GABRB3: variants seen among roughly 807,000 people sequenced by gnomAD.
GABRB3 encodes the protein gamma-aminobutyric acid type A receptor subunit beta3.
A neutral mutation model predicts 52.1 loss-of-function variants in GABRB3; 14 were observed. The ratio of observed to expected loss-of-function variants is 0.27; its 90% CI spans 0.18 to 0.42. GABRB3 has a LOEUF of 0.42. Ranked by LOEUF, GABRB3 falls within the 10% of genes least tolerant of loss-of-function variation. The pLI, the probability that GABRB3 is intolerant of heterozygous loss-of-function variation, is 1.00. For missense variants in GABRB3, 307 were observed against 609.1 expected (o/e 0.50, Z 5.22); for synonymous variants, 260 against 232.3 (o/e 1.12, Z -1.08).
chr15:26,722,557 T>G (rs1230853468), intron 3 of GABRB3, among the ~76,000 whole-genome samples: 5 of 152,240 alleles, frequency 3.3e-5, no homozygotes, highest in Admixed American at 6.5e-5. Flanking sequence ...ATTTATTCAC[T>G]GAACTTTACG....
chr15:26,686,752 C>T (rs777480404), intron 3 of GABRB3, among the ~76,000 whole-genome samples: 1 of 152,360 alleles, frequency 6.6e-6, no homozygotes, highest in Non-Finnish European at 1.5e-5. Flanking sequence ...GGCACAGTGA[C>T]GCTACCAGGC....
intron 3 of GABRB3, among the ~76,000 whole-genome samples, chr15:26,650,304 C>T (rs1887155953): frequency 6.6e-6 from 1 of 152,052 alleles, no homozygotes; most frequent in African/African-American, 2.4e-5. Context: ...TTGGCCTCAC[C>T]CCAGCCCCAT....
chr15:26,731,065 TCTC>T (rs1566822132), intron 3 of GABRB3, among the ~76,000 whole-genome samples: 858 of 83,364 alleles, frequency 0.01, 5 homozygotes, highest in African/African-American at 0.086. Flanking sequence ...TCTCACTCGC[TCTC>T]GCTCTCTCTC....
At chr15:26,678,852 G>C (rs1408563268) in intron 3 of GABRB3, among the ~76,000 whole-genome samples, 1 of 152,172 alleles carries the variant, frequency 6.6e-6, no homozygotes, top group Non-Finnish European at 1.5e-5. Flanking sequence ...CTGAGGCTGA[G>C]TTCAGTTCAA....
intron 4 of GABRB3, among the ~76,000 whole-genome samples, chr15:26,585,329 C>A (rs1037209335): frequency 4.6e-5 from 7 of 152,138 alleles, no homozygotes; most frequent in Non-Finnish European, 1.0e-4. Flanking sequence ...CAGTGTTGAG[C>A]TTTTTCTGAA....
At chr15:26,660,572 T>A (rs1887510927) in intron 3 of GABRB3, among the ~76,000 whole-genome samples, 1 of 152,196 alleles carries the variant, frequency 6.6e-6, no homozygotes, top group South Asian at 2.1e-4. Context: ...AGTCCAGGCC[T>A]GTTTATCATA....
At chr15:26,559,875 A>C (rs1261664972) in intron 8 of GABRB3, among the ~76,000 whole-genome samples, 1 of 152,146 alleles carries the variant, frequency 6.6e-6, no homozygotes, top group Non-Finnish European at 1.5e-5. Flanking sequence ...CGGCAGATCT[A>C]TGAGAGCTTC....
chr15:26,683,567 G>A (rs1051859172), intron 3 of GABRB3, among the ~76,000 whole-genome samples: 13 of 152,296 alleles, frequency 8.5e-5, no homozygotes, highest in Middle Eastern at 3.4e-3. Flanking sequence ...CATGATTGTC[G>A]TAGCAGAGAA....
At chr15:26,715,416 G>A (rs1334500594) in intron 3 of GABRB3, among the ~76,000 whole-genome samples, 1 of 152,172 alleles carries the variant, frequency 6.6e-6, no homozygotes, top group Non-Finnish European at 1.5e-5. Flanking sequence ...TTTCCCTGCA[G>A]CTGTGTGTGG....
At chr15:26,623,239 A>T (rs1162802927) in intron 3 of GABRB3, among the ~76,000 whole-genome samples, 1 of 152,188 alleles carries the variant, frequency 6.6e-6, no homozygotes, top group Non-Finnish European at 1.5e-5. Flanking sequence ...GGTAAAAGAG[A>T]GCAGAGCGAT....
chr15:26,730,639 C>A (rs1049456161), intron 3 of GABRB3, among the ~76,000 whole-genome samples: 3 of 152,190 alleles, frequency 2.0e-5, no homozygotes, highest in East Asian at 1.9e-4. Context: ...ATCTTAAAGT[C>A]ATTTTACCAT....
intron 3 of GABRB3, among the ~76,000 whole-genome samples, chr15:26,684,816 C>T (rs974365981): frequency 1.3e-5 from 2 of 152,252 alleles, no homozygotes; most frequent in Non-Finnish European, 2.9e-5. Flanking sequence ...CCCAAAACAA[C>T]CACAGTGGTA....
intron 8 of GABRB3, chr15:26,550,245 A>G (rs750255808): frequency 1.3e-5 from 2 of 152,228 alleles, no homozygotes; most frequent in African/African-American, 2.4e-5. Flanking sequence ...TAGGGAAAAC[A>G]TAAGAAGAAA....
At chr15:26,773,632 G>GC (rs1191061006), upstream of GABRB3, 1 of 1,551,196 alleles carries the variant, frequency 6.4e-7, no homozygotes, top group African/African-American at 1.4e-5. Context: ...ACGCCGGGAA[G>GC]CCCCCGCCTC....
At chr15:26,697,222 C>T (rs1274756647) in intron 3 of GABRB3, among the ~76,000 whole-genome samples, 1 of 152,146 alleles carries the variant, frequency 6.6e-6, no homozygotes, top group Non-Finnish European at 1.5e-5. Flanking sequence ...TCTTAAGAAA[C>T]ACATTACCCT....
At chr15:26,604,261 T>G (rs1891696779) in intron 4 of GABRB3, among the ~76,000 whole-genome samples, 3 of 151,992 alleles carry the variant, frequency 2.0e-5, no homozygotes, top group African/African-American at 7.2e-5. Flanking sequence ...TAAAATAAAT[T>G]GAAGAGGACA....
intron 3 of GABRB3, among the ~76,000 whole-genome samples, chr15:26,662,458 T>C (rs1345166712): frequency 6.6e-6 from 1 of 152,130 alleles, no homozygotes; most frequent in Non-Finnish European, 1.5e-5. Flanking sequence ...CCAGGGGCAT[T>C]TCCACAGCTG....
intron 3 of GABRB3, among the ~76,000 whole-genome samples, chr15:26,669,009 C>T (rs1185410930): frequency 6.6e-6 from 1 of 152,150 alleles, no homozygotes; most frequent in Non-Finnish European, 1.5e-5. Context: ...TGTACCTGCC[C>T]CTCCGTGATG....
At chr15:26,552,047 C>G (rs1889489637) in intron 8 of GABRB3, among the ~76,000 whole-genome samples, 1 of 151,266 alleles carries the variant, frequency 6.6e-6, no homozygotes, top group Non-Finnish European at 1.5e-5. Context: ...ACTCTTGTTG[C>G]CCAGGCAGGA....
Sources: allele counts gnomAD v4.1 joint callset (sites outside exome capture counted in the v4.1 genomes callset), GRCh38; gene constraint gnomAD v4.1.1; transcripts MANE v1.5; gene names NCBI Gene and HGNC (gene_info 2026-07-23, HGNC 2026-07-21).